Variants in AGAP1 observed in about 807,000 individuals in gnomAD.
The protein encoded by AGAP1 is arf-GAP with GTPase, ANK repeat and PH domain-containing protein 1.
Under a neutral mutation model 105.3 loss-of-function variants are expected in AGAP1, and 29 were observed. The observed-to-expected ratio is 0.28, with a 90% CI of 0.21 to 0.38. The LOEUF is 0.38. Ranked by LOEUF, AGAP1 falls within the 10% of genes least tolerant of loss-of-function variation. The pLI is 1.00. For missense variants in AGAP1, 998 were observed against 1,165.1 expected (o/e 0.86, Z 2.09); for synonymous variants, 509 against 485.9 (o/e 1.05, Z -0.63).
chr2:236,115,564 C>CTTCAAGTCACAGCAGGTGGCT (rs2059751096), intron 16 of AGAP1, among the ~76,000 whole-genome samples: 1 of 152,192 alleles, frequency 6.6e-6, no homozygotes, highest in East Asian at 1.9e-4. Flanking sequence ...AGGAGGTGGC[C>CTTCAAGTCACAGCAGGTGGCT]TTCAAGTCAC....
rs891785125 is a variant in AGAP1 at position 236,082,351 on chromosome 2, A to T, written c.2114+33070A>T. ...CCTCTGCCAGCTAATTTAATTAATCACCCCCAGCTCAGCTCTTCCAGCTGC... is the reference window on the plus strand; with the variant it reads ...CCTCTGCCAGCTAATTTAATTAATCTCCCCCAGCTCAGCTCTTCCAGCTGC... On this transcript the variant is annotated intron_variant, in intron 16 of 17. Transcript: ENST00000304032. The surrounding 1 kb of genome is among the most constrained non-coding windows in gnomAD (Gnocchi z 4.2). 2.6e-5 allele frequency among the ~76,000 whole-genome samples: 4 copies of T among 151,948 alleles called. No individual in the cohort carries two copies. Among genetic ancestry groups the T allele is most frequent in the African/African-American group, 9.7e-5 (4 of 41,362 alleles).
At position 236,082,908 on chromosome 2, in the gene AGAP1, C is replaced by T. The variant is rs569882647; in HGVS notation, c.2114+33627C>T. On this transcript the variant is annotated intron_variant, in intron 16 of 17. Coordinates refer to ENST00000304032, the MANE Select transcript of AGAP1 (RefSeq NM_001037131.3). This position sits in a 1 kb window ranked among gnomAD's most constrained non-coding sequence, Gnocchi z 4.2. ...CAATGGCTCACGCCTGTAATCCCAG[C>T]ACTCTGGGAGGCCGAGGTGGCCGGA... Among the ~76,000 whole-genome samples the T allele has an allele frequency of 2.6e-5, 4 of 152,160 alleles. No homozygotes were observed. Among genetic ancestry groups the T allele is most frequent in the Admixed American group, 2.0e-4 (3 of 15,284 alleles).
intron 1 of AGAP1, among the ~76,000 whole-genome samples, chr2:235,538,373 T>G (rs551911302): frequency 3.3e-5 from 5 of 151,954 alleles, no homozygotes; most frequent in African/African-American, 1.2e-4. Context: ...ACTCAGACTG[T>G]CGGAGAATAT....
At chr2:235,497,747 A>G (rs768813319) in intron 1 of AGAP1, among the ~76,000 whole-genome samples, 1 of 151,512 alleles carries the variant, frequency 6.6e-6, no homozygotes, top group African/African-American at 2.4e-5. Flanking sequence ...GGCGCCCACC[A>G]CCTCGCCTGG....
chr2:235,918,043 G>A (rs1010878708), intron 11 of AGAP1, among the ~76,000 whole-genome samples: 5 of 152,326 alleles, frequency 3.3e-5, no homozygotes, highest in African/African-American at 4.8e-5. Flanking sequence ...TCTGGAGTCC[G>A]GAGTCTGTTG....
intron 1 of AGAP1, chr2:235,670,231 G>T: frequency 1.8e-6 from 1 of 568,056 alleles, no homozygotes; most frequent in South Asian, 1.9e-5. Context: ...TGGCCGCGCC[G>T]GGCTCCGGCG....
chr2:235,650,189 C>T (rs994264059), intron 1 of AGAP1, among the ~76,000 whole-genome samples: 6 of 152,092 alleles, frequency 3.9e-5, no homozygotes, highest in Admixed American at 6.6e-5. Flanking sequence ...TGAAGAACCC[C>T]GTCTCTACTA....
At chr2:235,567,963 C>T (rs1254911224) in intron 1 of AGAP1, among the ~76,000 whole-genome samples, 2 of 152,150 alleles carry the variant, frequency 1.3e-5, no homozygotes, top group African/African-American at 2.4e-5. Flanking sequence ...TGGAAGGTGG[C>T]TTTGGAGCCA....
At chr2:235,800,217 G>A (rs1957430203) in intron 8 of AGAP1, among the ~76,000 whole-genome samples, 1 of 150,618 alleles carries the variant, frequency 6.6e-6, no homozygotes, top group South Asian at 2.1e-4. Context: ...TCCCACTTCA[G>A]CCTTCTAAGT....
intron 1 of AGAP1, among the ~76,000 whole-genome samples, chr2:235,603,706 G>A (rs982435919): frequency 2.6e-5 from 4 of 152,144 alleles, no homozygotes; most frequent in Non-Finnish European, 5.9e-5. Context: ...CAAACAAGTG[G>A]CTTTTTATCT....
At chr2:235,779,001 A>G (rs189339311) in intron 6 of AGAP1, among the ~76,000 whole-genome samples, 2 of 152,340 alleles carry the variant, frequency 1.3e-5, no homozygotes, top group Admixed American at 6.5e-5. Flanking sequence ...TGTTTTACAG[A>G]TAAGGAAACT....
chr2:235,616,408 T>C (rs192695993), intron 1 of AGAP1, among the ~76,000 whole-genome samples: 333 of 152,144 alleles, frequency 2.2e-3, no homozygotes, highest in South Asian at 4.2e-3. Flanking sequence ...TTAAGTTCAG[T>C]GTTAAAAACA....
Position 235,665,179 on chromosome 2 carries a change from T to G in AGAP1, c.164-44000T>G, listed in dbSNP as rs1042045354. On this transcript the variant is annotated intron_variant, in intron 1 of 17. Transcript: ENST00000304032. This position sits in a 1 kb window ranked among gnomAD's most constrained non-coding sequence, Gnocchi z 5.3. The stretch of plus-strand genomic sequence containing the variant: ...CTGTAGTGAGCTATGATCTTGCCAC[T>G]GCACTCTAGCCTGTCTGTGTGGTGG... Among the ~76,000 whole-genome samples, 1 of 152,232 alleles carries G rather than the reference T, an allele frequency of 6.6e-6. No homozygotes were observed. Among genetic ancestry groups the G allele is most frequent in the African/African-American group, 2.4e-5 (1 of 41,458 alleles).
Position 236,053,299 on chromosome 2 carries a change from C to T in AGAP1, c.2114+4018C>T, listed in dbSNP as rs144850156. 2.9e-3 allele frequency among the ~76,000 whole-genome samples: 435 copies of T among 152,316 alleles called. No individual in the cohort carries two copies. Among genetic ancestry groups the T allele is most frequent in the Admixed American group, 4.6e-3 (71 of 15,300 alleles). ...GAGTAAATGAGTGAAAGCGGGAACT[C>T]GTCATCATGGAACACATGTCAGGTG... On this transcript the variant is annotated intron_variant, in intron 16 of 17. Transcript: ENST00000304032. The surrounding 1 kb of genome is among the most constrained non-coding windows in gnomAD (Gnocchi z 4.6).
At chr2:235,818,932 G>C (rs1958619977) in intron 9 of AGAP1, among the ~76,000 whole-genome samples, 1 of 152,064 alleles carries the variant, frequency 6.6e-6, no homozygotes, top group Non-Finnish European at 1.5e-5. Flanking sequence ...TTTCCTGGTG[G>C]GGCACCAGCA....
In AGAP1 at chr2:235,992,644, C is replaced by A. The variant is rs2055618811; in HGVS notation, c.1645+24021C>A. Among the ~76,000 whole-genome samples, 1 of 152,244 alleles carries A rather than the reference C, an allele frequency of 6.6e-6. No homozygotes were observed. Among genetic ancestry groups the A allele is most frequent in the South Asian group, 2.1e-4 (1 of 4,826 alleles). On this transcript the variant is annotated intron_variant, in intron 13 of 17. Transcript: ENST00000304032. The surrounding 1 kb of genome is among the most constrained non-coding windows in gnomAD (Gnocchi z 4.8). ...CTTTTTAAATGTTGAAGGCAATACTCATCAGAGTATGCATTAAGTAGCATT... is the reference window on the plus strand; with the variant it reads ...CTTTTTAAATGTTGAAGGCAATACTAATCAGAGTATGCATTAAGTAGCATT...
rs79675520 is a variant in AGAP1, at chr2:235,853,841, T to C, written c.1051-29504T>C. The stretch of plus-strand genomic sequence containing the variant: ...CGCTAGCTTGTTTTGGTTTTAAGTG[T>C]AGGCTATACCTTGAATTAACTTGGG... On this transcript the variant is annotated intron_variant, in intron 9 of 17. Transcript: ENST00000304032. Among the ~76,000 whole-genome samples, 396 of 152,158 alleles carry C rather than the reference T, an allele frequency of 2.6e-3. 1 individual carries two copies. The highest frequency in any genetic ancestry group is 9.1e-3 in the African/African-American group (378 of 41,488).
At chr2:235,669,302 C>T (rs929814094) in intron 1 of AGAP1, among the ~76,000 whole-genome samples, 1 of 152,106 alleles carries the variant, frequency 6.6e-6, no homozygotes, top group African/African-American at 2.4e-5. Context: ...GTTGCATCTT[C>T]GAGGCTGCAT....
In AGAP1 at chr2:235,615,028, C is replaced by T. The variant is rs147182395; in HGVS notation, c.164-94151C>T. 4.4e-3 allele frequency among the ~76,000 whole-genome samples: 674 copies of T among 152,268 alleles called. 2 individuals carry two copies. The highest frequency in any genetic ancestry group is 0.016 in the African/African-American group (656 of 41,546). On this transcript the variant is annotated intron_variant, in intron 1 of 17. Coordinates refer to ENST00000304032, the MANE Select transcript of AGAP1 (RefSeq NM_001037131.3). The surrounding 1 kb of genome is among the most constrained non-coding windows in gnomAD (Gnocchi z 5.0). ...TGTTCAAGGTGAGTGGTTTTCCTGG[C>T]GGTGTGGTTTTTTAAAATTTCTAAT... is the stretch of plus-strand genomic sequence containing the variant.
Sources: gnomAD v4.1 joint callset for allele counts (sites outside exome capture counted in the v4.1 genomes callset) on GRCh38, gnomAD v4.1.1 for gene constraint, Gnocchi (gnomAD v3.1) non-coding constraint, MANE v1.5 for transcripts, NCBI Gene and HGNC (gene_info 2026-07-23, HGNC 2026-07-21) for gene names.